TAF15: variants seen among roughly 807,000 people sequenced by gnomAD.
TAF15 encodes TATA-box binding protein associated factor 15, also known as TATA-binding protein-associated factor 2N.
Under a neutral mutation model 102.5 loss-of-function variants are expected in TAF15, and 37 were observed. That is an observed-to-expected ratio of 0.36 (90% CI 0.28 to 0.47). The LOEUF is 0.47. Ranked by LOEUF, TAF15 falls within the 20% of genes least tolerant of loss-of-function variation. The pLI, the probability that TAF15 is intolerant of heterozygous loss-of-function variation, is 0.99. For synonymous variants in TAF15, 273 were observed against 259.2 expected (o/e 1.05, Z -0.51); for missense variants, 652 against 760.7 (o/e 0.86, Z 1.68).
chr17:35,812,574 ACT>A (rs758663291), intron 1 of TAF15, among the ~76,000 whole-genome samples: 11 of 139,100 alleles, frequency 7.9e-5, no homozygotes, highest in South Asian at 2.4e-4. Context: ...AACAAGAGAA[ACT>A]CTATCTCAAA....
chr17:35,812,021 C>A (rs1402474827), intron 1 of TAF15, among the ~76,000 whole-genome samples: 1 of 152,188 alleles, frequency 6.6e-6, no homozygotes, highest in Non-Finnish European at 1.5e-5. Context: ...TTTTTAGACA[C>A]CTGGGTTTTA....
At position 35,824,202 on chromosome 17, in the gene TAF15, A is replaced by G. The variant is rs758233278; in HGVS notation, c.605+4A>G. On this transcript the variant is annotated splice_donor_region_variant and intron_variant, in intron 7 of 15. Transcript: ENST00000605844. Reference sequence around the variant, plus strand: ...GAGGTCCTATGACAGGATCAAGGTAAGTATGTAGATAAAGATGCGTACATT... The same window carrying G: ...GAGGTCCTATGACAGGATCAAGGTAGGTATGTAGATAAAGATGCGTACATT... 11 of 1,613,326 alleles carry G rather than the reference A, an allele frequency of 6.8e-6. No homozygotes were observed. The Admixed American group carries it at 1.8e-4, about 27-fold the overall frequency.
At chr17:35,823,844 GAC>G in intron 6 of TAF15, 1 of 577,086 alleles carries the variant, frequency 1.7e-6, no homozygotes, top group Non-Finnish European at 3.1e-6. Context: ...AATGGAATTT[GAC>G]ACAGATACAT....
chr17:35,842,036 G>A (rs1219734166), intron 11 of TAF15, among the ~76,000 whole-genome samples: 8 of 151,962 alleles, frequency 5.3e-5, no homozygotes, highest in Admixed American at 5.2e-4. Context: ...TCCCCAGGCT[G>A]GTCTCGTGCT....
chr17:35,812,262 A>G (rs1223423238), intron 1 of TAF15, among the ~76,000 whole-genome samples: 1 of 152,160 alleles, frequency 6.6e-6, no homozygotes, highest in East Asian at 1.9e-4. Context: ...TAACGTAAAA[A>G]TGGTTTCTGG....
chr17:35,823,691 C>T (rs920377805), intron 6 of TAF15: 3 of 272,902 alleles, frequency 1.1e-5, no homozygotes, highest in South Asian at 3.2e-5. Context: ...GGCTACAGAG[C>T]GAGACTCTTG....
At chr17:35,836,744 A>C (rs1446505455) in intron 10 of TAF15, among the ~76,000 whole-genome samples, 3 of 151,862 alleles carry the variant, frequency 2.0e-5, no homozygotes, top group Non-Finnish European at 4.4e-5. Flanking sequence ...TCTTGAAATC[A>C]GTTTACATCT....
At chr17:35,836,859 C>T (rs2087481419) in intron 10 of TAF15, among the ~76,000 whole-genome samples, 1 of 151,732 alleles carries the variant, frequency 6.6e-6, no homozygotes, top group Non-Finnish European at 1.5e-5. Flanking sequence ...CTCACTGCAG[C>T]CTCTGCCTTC....
At chr17:35,813,623 G>A (rs532100077) in intron 1 of TAF15, among the ~76,000 whole-genome samples, 3 of 131,758 alleles carry the variant, frequency 2.3e-5, no homozygotes, top group African/African-American at 5.9e-5. Context: ...GCAACAGAGC[G>A]AGACCCTGTC....
chr17:35,839,720 A>G (rs531907986), intron 11 of TAF15, among the ~76,000 whole-genome samples: 1 of 152,196 alleles, frequency 6.6e-6, no homozygotes, highest in South Asian at 2.1e-4. Flanking sequence ...GAAATGAGTA[A>G]AACATCTCTA....
At chr17:35,812,450 T>G (rs766973376) in intron 1 of TAF15, among the ~76,000 whole-genome samples, 2 of 151,642 alleles carry the variant, frequency 1.3e-5, no homozygotes, top group Admixed American at 6.6e-5. Context: ...AATTAAGGCA[T>G]CCTACATGCC....
chr17:35,833,156 CAA>C (rs35393517), intron 7 of TAF15, among the ~76,000 whole-genome samples: 27 of 137,724 alleles, frequency 2.0e-4, no homozygotes, highest in East Asian at 6.3e-4. Context: ...GACTCTGTCT[CAA>C]AAAAAAAAAA....
intron 1 of TAF15, among the ~76,000 whole-genome samples, chr17:35,816,557 T>A (rs533205981): frequency 1.3e-4 from 20 of 152,338 alleles, no homozygotes; most frequent in African/African-American, 4.8e-4. Context: ...TGATTTTTGT[T>A]TCAAATTGAG....
At chr17:35,828,670 G>C (rs552491705) in intron 7 of TAF15, among the ~76,000 whole-genome samples, 1 of 151,908 alleles carries the variant, frequency 6.6e-6, no homozygotes, top group Non-Finnish European at 1.5e-5. Flanking sequence ...GTTCAAGGCT[G>C]CAGTGAGCTA....
At chr17:35,846,147 A>G (rs758502780) in intron 15 of TAF15, among the ~76,000 whole-genome samples, 1 of 152,196 alleles carries the variant, frequency 6.6e-6, no homozygotes, top group Non-Finnish European at 1.5e-5. Flanking sequence ...GAGAATTAGT[A>G]TAGAATATGG....
At chr17:35,829,991 T>A (rs1048904632) in intron 7 of TAF15, 1 of 151,790 alleles carries the variant, frequency 6.6e-6, no homozygotes, top group African/African-American at 2.4e-5. Context: ...AATACAAAAA[T>A]TAGCTGGGCA....
At chr17:35,827,701 A>G (rs2087348021) in intron 7 of TAF15, among the ~76,000 whole-genome samples, 1 of 151,660 alleles carries the variant, frequency 6.6e-6, no homozygotes, top group Non-Finnish European at 1.5e-5. Flanking sequence ...GTGAAACTCC[A>G]TCGCAAAAAA....
chr17:35,840,124 A>C (rs1236304623), intron 11 of TAF15, among the ~76,000 whole-genome samples: 1 of 152,108 alleles, frequency 6.6e-6, no homozygotes, highest in Non-Finnish European at 1.5e-5. Context: ...ATTCAAACTC[A>C]GCCGTGCTGG....
At chr17:35,832,545 T>A (rs1184088767) in intron 7 of TAF15, among the ~76,000 whole-genome samples, 1 of 151,898 alleles carries the variant, frequency 6.6e-6, no homozygotes, top group East Asian at 1.9e-4. Flanking sequence ...GAGTTGAGGG[T>A]TCCTCCCCCC....
Sources: allele counts gnomAD v4.1 joint callset (sites outside exome capture counted in the v4.1 genomes callset), GRCh38; gene constraint gnomAD v4.1.1; transcripts MANE v1.5; gene names NCBI Gene and HGNC (gene_info 2026-07-23, HGNC 2026-07-21).